SPOCK3: variants seen among roughly 807,000 people sequenced by gnomAD.
SPOCK3 encodes the protein testican-3.
In SPOCK3, 30 loss-of-function variants were observed where a neutral mutation model predicts 56.6. That is an observed-to-expected ratio of 0.53 (90% CI 0.40 to 0.72). SPOCK3 has a LOEUF of 0.72. Ranked by LOEUF, SPOCK3 falls within the 30% of genes least tolerant of loss-of-function variation. SPOCK3 has a pLI of 0.00. For missense variants in SPOCK3, 527 were observed against 530.0 expected (o/e 0.99, Z 0.06); for synonymous variants, 196 against 183.3 (o/e 1.07, Z -0.56).
chr4:167,195,944 T>A (rs1732907893), intron 2 of SPOCK3, among the ~76,000 whole-genome samples: 1 of 152,188 alleles, frequency 6.6e-6, no homozygotes, highest in Non-Finnish European at 1.5e-5. Context: ...GTGGGGAGCC[T>A]CCTATTCTGT....
chr4:167,205,453 TA>T (rs1734124928), intron 2 of SPOCK3, among the ~76,000 whole-genome samples: 1 of 50,304 alleles, frequency 2.0e-5, no homozygotes, highest in Non-Finnish European at 3.4e-5. Context: ...ATATATATTA[TA>T]TAAATATATA....
chr4:166,965,434 C>A (rs1016892334), intron 4 of SPOCK3, among the ~76,000 whole-genome samples: 45 of 144,214 alleles, frequency 3.1e-4, no homozygotes, highest in Middle Eastern at 3.6e-3. Flanking sequence ...GTTCCTTCTT[C>A]AATTTTGAAA....
At chr4:166,831,193 T>A (rs1746008890) in intron 6 of SPOCK3, among the ~76,000 whole-genome samples, 1 of 152,212 alleles carries the variant, frequency 6.6e-6, no homozygotes. Context: ...GGTATATATA[T>A]CTGAATTTGT....
At chr4:167,033,206 G>T (rs958947040) in intron 3 of SPOCK3, among the ~76,000 whole-genome samples, 1 of 151,462 alleles carries the variant, frequency 6.6e-6, no homozygotes, top group Non-Finnish European at 1.5e-5. Context: ...AAACTAAAAG[G>T]AATTCTTCCC....
At chr4:167,101,713 CT>C (rs34604496) in intron 2 of SPOCK3, among the ~76,000 whole-genome samples, 6,100 of 126,290 alleles carry the variant, frequency 0.048, 89 homozygotes, top group African/African-American at 0.058. Context: ...AATTCTTACT[CT>C]TTTTTTTTTT....
rs1737477975 is a variant in SPOCK3 at position 167,234,107 on chromosome 4, C to A, written c.67G>T (p.Ala23Ser). ...CCCCCGGCTGCAGCCACCGCCGCGG[C>A]AGCTGCGAGAGACTGACTGCACCAA... ...AAWCSQSLAAAAAVAAAGGRS... is the reference protein window; with the variant it reads ...AAWCSQSLAASAAVAAAGGRS... Residue 23 changes from alanine (A) to serine (S), a missense_variant, in exon 2 of 11, where the codon GCC becomes TCC. Physicochemically the swap from Ala to Ser is moderately conservative, Grantham distance 99. Coordinates refer to ENST00000357545, the MANE Select transcript of SPOCK3 (RefSeq NM_001040159.2). 3 of 1,613,968 alleles carry A rather than the reference C, an allele frequency of 1.9e-6. No homozygotes were observed. The highest frequency in any genetic ancestry group is 2.5e-6 in the Non-Finnish European group (3 of 1,179,994).
chr4:167,033,010 A>G (rs1752417327), intron 3 of SPOCK3, among the ~76,000 whole-genome samples: 1 of 151,956 alleles, frequency 6.6e-6, no homozygotes, highest in Non-Finnish European at 1.5e-5. Flanking sequence ...TTAATTGTTC[A>G]TGCTTAGCAG....
chr4:167,017,805 T>A (rs965798646), intron 3 of SPOCK3, among the ~76,000 whole-genome samples: 4 of 152,112 alleles, frequency 2.6e-5, no homozygotes, highest in Non-Finnish European at 5.9e-5. Flanking sequence ...AACACATCTG[T>A]ACTTAAAACC....
chr4:167,118,688 C>T (rs1225351211), intron 2 of SPOCK3, among the ~76,000 whole-genome samples: 1 of 152,106 alleles, frequency 6.6e-6, no homozygotes, highest in Non-Finnish European at 1.5e-5. Flanking sequence ...CTTGAAGAAG[C>T]TTCATCAAAG....
At chr4:166,889,851 C>T (rs751625990) in intron 5 of SPOCK3, among the ~76,000 whole-genome samples, 21 of 151,980 alleles carry the variant, frequency 1.4e-4, no homozygotes, top group Non-Finnish European at 2.8e-4. Context: ...AGCTCAAACA[C>T]ACATTCATAC....
intron 7 of SPOCK3, among the ~76,000 whole-genome samples, chr4:166,780,740 T>A (rs1216643331): frequency 1.3e-5 from 2 of 152,130 alleles, no homozygotes; most frequent in Admixed American, 1.3e-4. Context: ...AGATACATAG[T>A]ACCTTCCTAA....
Position 166,945,242 on chromosome 4 carries a change from T to C in SPOCK3, c.351-32499A>G, listed in dbSNP as rs1057219035. The stretch of plus-strand genomic sequence containing the variant: ...TTACAATTAGGATGTAATGACTCCC[T>C]GGCACCCTCAGTAAATAGATATAGG... On this transcript the variant is annotated intron_variant, in intron 4 of 10. Transcript: ENST00000357545. Among the ~76,000 whole-genome samples, 4 of 152,192 alleles carry C rather than the reference T, an allele frequency of 2.6e-5. No individual in the cohort carries two copies. The East Asian group carries it at 5.8e-4, about 22-fold the overall frequency.
At chr4:166,749,799 A>G (rs1304399703) in intron 8 of SPOCK3, among the ~76,000 whole-genome samples, 27 of 152,116 alleles carry the variant, frequency 1.8e-4, no homozygotes, top group Admixed American at 1.8e-3. Context: ...AAGAATTAGG[A>G]ATCATATTGT....
At chr4:167,231,052 T>C (rs1399706135) in intron 2 of SPOCK3, among the ~76,000 whole-genome samples, 1 of 152,130 alleles carries the variant, frequency 6.6e-6, no homozygotes, top group Non-Finnish European at 1.5e-5. Context: ...GTTTTTATGC[T>C]CACCTACTCT....
At chr4:166,954,961 T>A (rs1264190696) in intron 4 of SPOCK3, among the ~76,000 whole-genome samples, 1 of 152,134 alleles carries the variant, frequency 6.6e-6, no homozygotes, top group African/African-American at 2.4e-5. Context: ...TTTCTGAGAC[T>A]CATCATTGTT....
At chr4:166,881,162 T>G (rs1733645720) in intron 6 of SPOCK3, among the ~76,000 whole-genome samples, 1 of 152,066 alleles carries the variant, frequency 6.6e-6, no homozygotes, top group African/African-American at 2.4e-5. Flanking sequence ...TTTTTGAAAT[T>G]AAAAAATTCA....
chr4:167,090,267 C>T (rs139266004), intron 2 of SPOCK3, among the ~76,000 whole-genome samples: 2 of 152,108 alleles, frequency 1.3e-5, no homozygotes, highest in Non-Finnish European at 2.9e-5. Flanking sequence ...AATTGCTCTG[C>T]ACCCTCATCA....
intron 4 of SPOCK3, among the ~76,000 whole-genome samples, chr4:166,928,379 C>T (rs1739356631): frequency 6.6e-6 from 1 of 152,150 alleles, no homozygotes; most frequent in African/African-American, 2.4e-5. Flanking sequence ...GACAATGATA[C>T]ATTAGTCAGC....
chr4:167,204,771 G>A (rs1733863927), intron 2 of SPOCK3, among the ~76,000 whole-genome samples: 1 of 151,618 alleles, frequency 6.6e-6, no homozygotes, highest in South Asian at 2.1e-4. Context: ...TTTTTTTCGG[G>A]GTGGGGGGCG....
Sources: gnomAD v4.1 joint callset for allele counts (sites outside exome capture counted in the v4.1 genomes callset) on GRCh38, gnomAD v4.1.1 for gene constraint, MANE v1.5 for transcripts, NCBI Gene and HGNC (gene_info 2026-07-23, HGNC 2026-07-21) for gene names.